ZNF91: variants seen among roughly 807,000 people sequenced by gnomAD.
ZNF91 encodes the protein zinc finger protein 91 (HPF7, HTF10).
ZNF91 carries 7 observed loss-of-function variants against 12.6 expected under a neutral mutation model. That is an observed-to-expected ratio of 0.55 (90% CI 0.31 to 1.04). The LOEUF (loss-of-function observed/expected upper bound fraction) is 1.04, where lower values mean the gene tolerates loss of function less well. Ranked by LOEUF, ZNF91 falls within the 50% of genes least tolerant of loss-of-function variation. The pLI, the probability that ZNF91 is intolerant of heterozygous loss-of-function variation, is 0.05. For missense variants in ZNF91, 1,217 were observed against 1,385.4 expected, an observed-to-expected ratio of 0.88 and a Z score of 1.93; for synonymous variants, 453 against 462.6, an observed-to-expected ratio of 0.98 and a Z score of 0.27.
intron 1 of ZNF91, among the ~76,000 whole-genome samples, chr19:23,388,168 C>A (rs540772695): frequency 6.6e-6 from 1 of 151,956 alleles, no homozygotes; most frequent in Non-Finnish European, 1.5e-5. Flanking sequence ...ATTGCTGGAA[C>A]CCGAGAGGCG....
chr19:23,360,508 T>C lies in ZNF91; in HGVS notation c.2471A>G (p.Lys824Arg), dbSNP rs772799024. The C allele has an allele frequency of 6.2e-7, 1 of 1,613,822 alleles. No homozygotes were observed. The highest frequency in any genetic ancestry group is 1.3e-5 in the African/African-American group (1 of 74,912). The change falls in exon 4 of 4, where the codon AAA (lysine) becomes AGA (arginine). Residue 824 changes from lysine to arginine, a missense_variant. This residue lies in a region of ZNF91 where 491 missense variants were observed against 489.8 expected (regional missense o/e 1.00). Coordinates refer to ENST00000300619, the MANE Select transcript of ZNF91 (RefSeq NM_003430.4). ...GCCACATTCTTTACATTTGTAGGGT[T>C]TCTCTCCAGTATGAATTGTCTTATG... ...TKHKTIHTGE[K>R]PYKCKECGKA... is the part of the protein sequence containing the mutation.
At chr19:23,313,578 G>A (rs565371502), upstream of ZNF91, among the ~76,000 whole-genome samples, 67 of 152,264 alleles carry the variant, frequency 4.4e-4, no homozygotes, top group African/African-American at 1.5e-3. Context: ...TTTGCTGCCC[G>A]TGTCCTGCTT....
Position 23,362,950 on chromosome 19 carries a change from A to G in ZNF91, c.254-225T>C, listed in dbSNP as rs550953507. On this transcript the variant is annotated intron_variant, in intron 3 of 3. Coordinates refer to ENST00000300619, the MANE Select transcript of ZNF91 (RefSeq NM_003430.4). ...GTGCAGTGGTGCAATCTTGGCTCAC[A>G]GCAAGCCCTGCCTCCTGGGTTCACG... is the stretch of plus-strand genomic sequence containing the variant. 2.7e-4 allele frequency among the ~76,000 whole-genome samples: 41 copies of G among 152,234 alleles called. No homozygotes were observed. The East Asian group carries it at 5.8e-3, about 22-fold the overall frequency.
chr19:23,367,161 CTTTG>C lies in ZNF91; in HGVS notation c.254-4440_254-4437del, dbSNP rs369847815. On this transcript the variant is annotated intron_variant, in intron 3 of 3. Coordinates refer to ENST00000300619, the MANE Select transcript of ZNF91 (RefSeq NM_003430.4). Reference sequence around the variant, plus strand: ...ATCAAATAATTATTCAGACATGGTACTTTGTTTGTAGTCCCAACTACTTGAGAGA... The same window carrying C: ...ATCAAATAATTATTCAGACATGGTACTTTGTAGTCCCAACTACTTGAGAGA... Among the ~76,000 whole-genome samples the C allele has an allele frequency of 2.6e-5, 4 of 152,262 alleles. No homozygotes were observed. In the East Asian group the frequency reaches 5.8e-4, roughly 22 times the overall value.
intron 3 of ZNF91, chr19:23,342,400 A>G (rs2145883928): frequency 3.2e-6 from 1 of 315,974 alleles, no homozygotes; most frequent in East Asian, 4.5e-5. Flanking sequence ...TCTGACAGAA[A>G]CTTTTGAATA....
intron 1 of ZNF91, among the ~76,000 whole-genome samples, chr19:23,383,514 C>A (rs950788432): frequency 5.3e-5 from 8 of 151,932 alleles, no homozygotes; most frequent in Admixed American, 3.3e-4. Flanking sequence ...ATAGCAAAAC[C>A]CCATCTCTAC....
rs537339545 is a variant in ZNF91 at position 23,359,368 on chromosome 19, G to A, written c.*35C>T. The stretch of plus-strand genomic sequence containing the variant: ...CTCTCGCATAGCTGGGACTACAGGC[G>A]CCCGCCACCACGCCCGGCTAATTTT... On this transcript the variant is annotated 3_prime_UTR_variant, in exon 4 of 4. Transcript: ENST00000300619. 2.9e-5 allele frequency: 21 copies of A among 718,692 alleles called. No homozygotes were observed. The highest frequency in any genetic ancestry group is 1.1e-4 in the East Asian group (4 of 36,128). 44.5% of individuals were successfully genotyped at this position (718,692 alleles called of 1,614,324 possible).
chr19:23,358,461 CTTCAT>C lies in ZNF91; in HGVS notation c.*937_*941del, dbSNP rs1968556428. On this transcript the variant is annotated 3_prime_UTR_variant, in exon 4 of 4. Transcript: ENST00000300619. ...ATAGAAAAGGTCATAAATAATGCCT[CTTCAT>C]ATTTGTAATGCTTTTTCAAAATACT... 6.6e-6 allele frequency: 1 copy of C among 152,066 alleles called. No individual in the cohort carries two copies. Among genetic ancestry groups the C allele is most frequent in the South Asian group, 2.1e-4 (1 of 4,832 alleles). 9.4% of individuals were successfully genotyped at this position (152,066 alleles called of 1,614,324 possible). A position where few individuals can be genotyped will look rare whatever the true frequency, so the allele number is the denominator to read the frequency against.
chr19:23,322,228 C>T (rs1363290408), intron 1 of ZNF91, among the ~76,000 whole-genome samples: 1 of 152,198 alleles, frequency 6.6e-6, no homozygotes, highest in East Asian at 1.9e-4. Flanking sequence ...CTGGGGCTCT[C>T]AAACCTAGGT....
chr19:23,381,137 A>C (rs1361007247), intron 1 of ZNF91, among the ~76,000 whole-genome samples: 1 of 152,200 alleles, frequency 6.6e-6, no homozygotes, highest in Non-Finnish European at 1.5e-5. Context: ...ATTAGATATA[A>C]ATATGTAATT....
intron 1 of ZNF91, among the ~76,000 whole-genome samples, chr19:23,323,567 C>G (rs1276484401): frequency 1.4e-5 from 2 of 147,920 alleles, no homozygotes; most frequent in African/African-American, 5.0e-5. Context: ...TTTTCCTTTT[C>G]CTCTTCTCTT....
In ZNF91 at chr19:23,389,236, G is replaced by A. The variant is rs535290973; in HGVS notation, c.30+6089C>T. ...GTTTGTGCTACAGATAGTGGCCCAG[G>A]TGGGGCTGTACTCTGATTTATTTCT... On this transcript the variant is annotated intron_variant, in intron 1 of 3. Coordinates refer to ENST00000300619, the MANE Select transcript of ZNF91 (RefSeq NM_003430.4). Among the ~76,000 whole-genome samples the A allele has an allele frequency of 1.9e-4, 29 of 152,294 alleles. 1 individual carries two copies. Among genetic ancestry groups the A allele is most frequent in the African/African-American group, 7.0e-4 (29 of 41,550 alleles).
rs564483468 is a variant in ZNF91 at position 23,360,347 on chromosome 19, T to C, written c.2632A>G (p.Lys878Glu). 5.5e-5 allele frequency: 89 copies of C among 1,613,544 alleles called. No individual in the cohort carries two copies. The East Asian group carries it at 2.0e-3, about 36-fold the overall frequency. Reference sequence around the variant, plus strand: ...TCTTCACTCTTGGAAGGTTTCTCTTTAGTATGAATTATCTTATGTGTCGTA... The same window carrying C: ...TCTTCACTCTTGGAAGGTTTCTCTTCAGTATGAATTATCTTATGTGTCGTA... ...NLTTHKIIHTKEKPSKSEECD... is the reference protein window; with the variant it reads ...NLTTHKIIHTEEKPSKSEECD... The change falls in exon 4 of 4, where the codon AAA becomes GAA. Residue 878 changes from lysine to glutamate, a missense_variant. By Grantham distance (56) the Lys-to-Glu change is moderately conservative. Around this residue, in one of 2 missense-constraint regions of ZNF91, gnomAD observed 491 missense variants for 489.8 expected, o/e 1.00. Transcript: ENST00000300619.
intron 1 of ZNF91, among the ~76,000 whole-genome samples, chr19:23,395,046 C>A (rs886226306): frequency 6.6e-6 from 1 of 152,208 alleles, no homozygotes; most frequent in Admixed American, 6.5e-5. Flanking sequence ...CCTGCACAAT[C>A]TGGGAGAGAC....
intron 1 of ZNF91, among the ~76,000 whole-genome samples, chr19:23,387,941 CAAAAAAAAAAAA>C (rs71163499): frequency 5.3e-5 from 3 of 56,306 alleles, no homozygotes; most frequent in Non-Finnish European, 9.6e-5. Context: ...GAGACTGTCT[CAAAAAAAAAAAA>C]AAAAAAAAAA....
chr19:23,374,267 C>T (rs962166174), intron 2 of ZNF91, among the ~76,000 whole-genome samples: 3 of 150,288 alleles, frequency 2.0e-5, no homozygotes, highest in Non-Finnish European at 4.4e-5. Flanking sequence ...AAACATTCTA[C>T]AAAACAGAAA....
chr19:23,359,715 G>A lies in ZNF91; in HGVS notation c.3264C>T (p.Ser1088=). The A allele has an allele frequency of 6.2e-7, 1 of 1,613,824 alleles. No homozygotes were observed. The highest frequency in any genetic ancestry group is 8.5e-7 in the Non-Finnish European group (1 of 1,179,954). ...TATGTCTAGTTAGGGTTGAAGATTG[G>A]CTAAATGCTTTGCCACATTCTTCAC... ...YKCEECGKAF[S]QSSTLTRHKR... The change falls in exon 4 of 4, where the codon AGC becomes AGT. Residue 1088 remains serine (S), a synonymous_variant. Coordinates refer to ENST00000300619, the MANE Select transcript of ZNF91 (RefSeq NM_003430.4).
intron 1 of ZNF91, among the ~76,000 whole-genome samples, chr19:23,390,554 C>T (rs1218497441): frequency 1.3e-5 from 2 of 152,064 alleles, no homozygotes; most frequent in Non-Finnish European, 2.9e-5. Context: ...GACGGGGTTT[C>T]ACCATGTTGG....
In ZNF91 at chr19:23,359,097, G is replaced by A. The variant is rs1968586905; in HGVS notation, c.*306C>T. 1.8e-6 allele frequency: 1 copy of A among 563,588 alleles called. No individual in the cohort carries two copies. The highest frequency in any genetic ancestry group is 2.2e-5 in the Admixed American group (1 of 45,330). 34.9% of individuals were successfully genotyped at this position (563,588 alleles called of 1,614,324 possible). A position where few individuals can be genotyped will look rare whatever the true frequency, so the allele number is the denominator to read the frequency against. ...GGGCTGAGGACCAGAAAAAGGATTT[G>A]CCACATTCTTCACATTTGTAGAGTT... On this transcript the variant is annotated 3_prime_UTR_variant, in exon 4 of 4. Coordinates refer to ENST00000300619, the MANE Select transcript of ZNF91 (RefSeq NM_003430.4).
Sources: allele counts gnomAD v4.1 joint callset (sites outside exome capture counted in the v4.1 genomes callset), GRCh38; gene constraint gnomAD v4.1.1; regional missense constraint gnomAD v4.1.1; transcripts MANE v1.5; gene names NCBI Gene and HGNC (gene_info 2026-07-23, HGNC 2026-07-21).